The following SMAP2 variants were observed in gnomAD, a reference collection of about 807,000 sequenced individuals.
SMAP2 encodes the protein small ArfGAP2, also known as stromal membrane-associated protein 2.
A neutral mutation model predicts 56.4 loss-of-function variants in SMAP2; 25 were observed. The observed-to-expected ratio is 0.44, with a 90% confidence interval of 0.32 to 0.62. The LOEUF (loss-of-function observed/expected upper bound fraction) is 0.62, where lower values mean the gene tolerates loss of function less well. SMAP2 is among the 20% of genes least tolerant of loss of function. SMAP2 has a pLI of 0.04. For synonymous variants in SMAP2, 157 were observed against 181.7 expected (o/e 0.86, Z 1.09); for missense variants, 388 against 545.6 (o/e 0.71, Z 2.88).
intron 1 of SMAP2, chr1:40,393,358 T>A: frequency 6.5e-7 from 1 of 1,534,182 alleles, no homozygotes; most frequent in East Asian, 2.4e-5. Context: ...AATGAGTGAG[T>A]GCAGCAGGAG....
In SMAP2 at chr1:40,399,310, ATT is replaced by A. The variant is rs747127620; in HGVS notation, c.104-7406_104-7405del. 2.5e-3 allele frequency among the ~76,000 whole-genome samples: 227 copies of A among 91,952 alleles called. 8 individuals carry two copies. The Admixed American group carries it at 0.028, about 11-fold the overall frequency. 60.3% of individuals were successfully genotyped at this position (91,952 alleles called of 152,430 possible). A position where few individuals can be genotyped will look rare whatever the true frequency, so the allele number is the denominator to read the frequency against. ...CAGGCATGTGCCACTACGTGTGGCT[ATT>A]TTTTTTTTTTTTTTTTTTTGTATTT... On this transcript the variant is annotated intron_variant, in intron 1 of 9. Transcript: ENST00000372718.
rs568485906 is a variant in SMAP2 at position 40,385,662 on chromosome 1, T to C, written c.103+11439T>C. Among the ~76,000 whole-genome samples, 4 of 152,362 alleles carry C rather than the reference T, an allele frequency of 2.6e-5. No individual in the cohort carries two copies. Among genetic ancestry groups the C allele is most frequent in the Admixed American group, 2.0e-4 (3 of 15,314 alleles). On this transcript the variant is annotated intron_variant, in intron 1 of 9. Transcript: ENST00000372718. This position sits in a 1 kb window ranked among gnomAD's most constrained non-coding sequence, Gnocchi z 4.5. ...TGAGCAAATAGAGCACCTTTTCTTT[T>C]CCTTTTCTTCAAATAGCCATGCTGT...
chr1:40,410,246 A>T (rs893791435), intron 4 of SMAP2, among the ~76,000 whole-genome samples: 1 of 152,026 alleles, frequency 6.6e-6, no homozygotes, highest in African/African-American at 2.4e-5. Context: ...ACCCTGTCTC[A>T]ATATAAATTT....
chr1:40,354,881 T>C (rs564076835), intron 1 of SMAP2, among the ~76,000 whole-genome samples: 351 of 139,864 alleles, frequency 2.5e-3, no homozygotes, highest in African/African-American at 8.7e-3. Context: ...CCTCCCGGGT[T>C]CAAGTGATTC....
chr1:40,373,954 C>A lies in SMAP2; in HGVS notation c.-167C>A. The A allele has an allele frequency of 1.8e-6, 1 of 570,616 alleles. No homozygotes were observed. Among genetic ancestry groups the A allele is most frequent in the Non-Finnish European group, 3.1e-6 (1 of 318,088 alleles). 35.3% of individuals were successfully genotyped at this position (570,616 alleles called of 1,614,324 possible). Reference sequence around the variant, plus strand: ...GAGGGGCTGCGGAGTGGGGGACGGACGCCCCCGACCCGGGAAGGGGCGTCC... The same window carrying A: ...GAGGGGCTGCGGAGTGGGGGACGGAAGCCCCCGACCCGGGAAGGGGCGTCC... On this transcript the variant is annotated 5_prime_UTR_variant, in exon 1 of 10. Transcript: ENST00000372718.
In SMAP2 at chr1:40,386,481, G is replaced by A. The variant is rs1345801691; in HGVS notation, c.103+12258G>A. Among the ~76,000 whole-genome samples the A allele has an allele frequency of 1.3e-5, 2 of 152,170 alleles. No individual in the cohort carries two copies. Among genetic ancestry groups the A allele is most frequent in the African/African-American group, 4.8e-5 (2 of 41,424 alleles). Reference sequence around the variant, plus strand: ...GAAACATTGGAATCAGGAAGACTCCGGCTTGGCTCCCTGAGCATTCTAACT... The same window carrying A: ...GAAACATTGGAATCAGGAAGACTCCAGCTTGGCTCCCTGAGCATTCTAACT... On this transcript the variant is annotated intron_variant, in intron 1 of 9. Transcript: ENST00000372718. This position sits in a 1 kb window ranked among gnomAD's most constrained non-coding sequence, Gnocchi z 4.1.
chr1:40,354,846 G>A (rs564738591), intron 1 of SMAP2, among the ~76,000 whole-genome samples: 61 of 121,742 alleles, frequency 5.0e-4, no homozygotes, highest in Non-Finnish European at 7.8e-4. Flanking sequence ...GCGTGATCTC[G>A]GCCCTTAGCT....
intron 9 of SMAP2, among the ~76,000 whole-genome samples, chr1:40,420,626 C>T (rs1019267149): frequency 6.6e-6 from 1 of 152,112 alleles, no homozygotes; most frequent in African/African-American, 2.4e-5. Flanking sequence ...CTACCTCAGC[C>T]AAGTGATCAA....
upstream of SMAP2, among the ~76,000 whole-genome samples, chr1:40,370,892 T>G (rs2124191414): frequency 6.6e-6 from 1 of 151,314 alleles, no homozygotes; most frequent in African/African-American, 2.4e-5. Flanking sequence ...ATTCTATAAC[T>G]GGCCAGGCGC....
At chr1:40,369,306 T>G (rs1227089119), upstream of SMAP2, among the ~76,000 whole-genome samples, 1 of 84,224 alleles carries the variant, frequency 1.2e-5, no homozygotes, top group Non-Finnish European at 2.3e-5. Context: ...TTCAATGCCA[T>G]CCCCATCAAG....
intron 1 of SMAP2, among the ~76,000 whole-genome samples, chr1:40,378,014 T>C (rs773488248): frequency 2.0e-5 from 3 of 152,244 alleles, no homozygotes; most frequent in Non-Finnish European, 4.4e-5. Context: ...ACAATGTTAA[T>C]GCTATGCCAG....
At chr1:40,396,891 G>C (rs1162374278) in intron 1 of SMAP2, 33 of 977,634 alleles carry the variant, frequency 3.4e-5, no homozygotes, top group Non-Finnish European at 4.0e-5. Context: ...TGGAACTGAG[G>C]TAACTGGCAC....
chr1:40,354,359 G>A (rs1412215232), intron 1 of SMAP2, among the ~76,000 whole-genome samples: 3 of 152,158 alleles, frequency 2.0e-5, no homozygotes, highest in Non-Finnish European at 4.4e-5. Context: ...TTTTGCTTGT[G>A]AGATGGAGTC....
rs1431905998 is a variant in SMAP2, at chr1:40,373,992, G to A, written c.-129G>A. The A allele has an allele frequency of 4.5e-6, 3 of 671,872 alleles. No homozygotes were observed. Among genetic ancestry groups the A allele is most frequent in the Non-Finnish European group, 7.8e-6 (3 of 386,208 alleles). The allele number at this position is 671,872 out of a possible 1,614,324, so 41.6% of individuals were successfully genotyped here. A position where few individuals can be genotyped will look rare whatever the true frequency, so the allele number is the denominator to read the frequency against. On this transcript the variant is annotated 5_prime_UTR_variant, in exon 1 of 10. Coordinates refer to ENST00000372718, the MANE Select transcript of SMAP2 (RefSeq NM_022733.3). ...GGAAGGGGCGTCCGGCGGGGCCGGA[G>A]GAGAGGGCTCTCCCCGCTCAGGAGG...
chr1:40,405,227 A>T (rs1644874775), intron 1 of SMAP2, among the ~76,000 whole-genome samples: 1 of 152,190 alleles, frequency 6.6e-6, no homozygotes, highest in Non-Finnish European at 1.5e-5. Context: ...AATGGCTCAC[A>T]CCTGTAATCC....
intron 2 of SMAP2, among the ~76,000 whole-genome samples, chr1:40,366,093 A>C (rs916843257): frequency 6.6e-6 from 1 of 151,396 alleles, no homozygotes; most frequent in African/African-American, 2.4e-5. Context: ...ACTGGAAGAA[A>C]GGGTGTCAGC....
chr1:40,415,487 G>T, intron 7 of SMAP2, 106 bp downstream of exon 7: 1 of 788,456 alleles, frequency 1.3e-6, no homozygotes, highest in Non-Finnish European at 2.2e-6. Context: ...TTGGACTTTG[G>T]TTTTCTTGAT....
In SMAP2 at chr1:40,415,343, G is replaced by A; in HGVS notation, c.643G>A (p.Ala215Thr). ...NTLEKDLDLLASVPSPSSSGS... is the reference protein window; with the variant it reads ...NTLEKDLDLLTSVPSPSSSGS... ...CCTAGAGAAGGATTTAGATCTGTTG[G>A]CCTCTGTTCCATCCCCTTCTTCTTC... The change falls in exon 7 of 10, where the codon GCC becomes ACC. Residue 215 changes from alanine (A) to threonine (T), a missense_variant. Coordinates refer to ENST00000372718, the MANE Select transcript of SMAP2 (RefSeq NM_022733.3). 6.2e-7 allele frequency: 1 copy of A among 1,613,828 alleles called. No homozygotes were observed.
At chr1:40,361,331 T>C (rs1382880848) in intron 1 of SMAP2, among the ~76,000 whole-genome samples, 1 of 151,842 alleles carries the variant, frequency 6.6e-6, no homozygotes, top group Non-Finnish European at 1.5e-5. Context: ...CCCCGAATGA[T>C]CAGCAGCAGT....
Sources: gnomAD v4.1 joint callset for allele counts (sites outside exome capture counted in the v4.1 genomes callset) on GRCh38, gnomAD v4.1.1 for gene constraint, Gnocchi (gnomAD v3.1) non-coding constraint, MANE v1.5 for transcripts, NCBI Gene and HGNC (gene_info 2026-07-23, HGNC 2026-07-21) for gene names.